The following RBMS3 variants were observed in gnomAD, a reference collection of about 807,000 sequenced individuals.
RBMS3 encodes RNA binding motif single stranded interacting protein 3.
A neutral mutation model predicts 66.8 loss-of-function variants in RBMS3; 27 were observed. That is an observed-to-expected ratio of 0.40 (90% CI 0.30 to 0.56). RBMS3 has a LOEUF of 0.56. Ranked by LOEUF, RBMS3 falls within the 20% of genes least tolerant of loss-of-function variation. The pLI is 0.40. For synonymous variants in RBMS3, 188 were observed against 183.0 expected, an observed-to-expected ratio of 1.03 and a Z score of -0.22; for missense variants, 513 against 549.5, an observed-to-expected ratio of 0.93 and a Z score of 0.66.
At chr3:29,958,104 G>C (rs1696167270) in intron 12 of RBMS3, among the ~76,000 whole-genome samples, 1 of 152,092 alleles carries the variant, frequency 6.6e-6, no homozygotes, top group Non-Finnish European at 1.5e-5. Context: ...GTTTTCCTTA[G>C]ATGTGATTTT....
At chr3:29,981,969 C>A (rs1276291994) in intron 12 of RBMS3, among the ~76,000 whole-genome samples, 1 of 152,084 alleles carries the variant, frequency 6.6e-6, no homozygotes, top group East Asian at 1.9e-4. Context: ...CCCTCTTTTT[C>A]TATTGTTTGG....
chr3:29,851,490 T>C (rs2058934091), intron 6 of RBMS3, among the ~76,000 whole-genome samples: 1 of 152,134 alleles, frequency 6.6e-6, no homozygotes, highest in South Asian at 2.1e-4. Flanking sequence ...ACTTTTTCCA[T>C]CTCAAAAGGG....
chr3:29,772,322 GCAA>G (rs2056245691), intron 6 of RBMS3, among the ~76,000 whole-genome samples: 1 of 151,940 alleles, frequency 6.6e-6, no homozygotes, highest in African/African-American at 2.4e-5. Context: ...ATTTTTTCTA[GCAA>G]CAACGGAAAG....
intron 3 of RBMS3, among the ~76,000 whole-genome samples, chr3:29,576,970 A>G (rs1181801034): frequency 6.6e-6 from 1 of 152,156 alleles, no homozygotes. Flanking sequence ...TTTTTGCTCT[A>G]TGCCACAGTG....
intron 6 of RBMS3, among the ~76,000 whole-genome samples, chr3:29,817,110 A>G (rs1435092029): frequency 1.3e-5 from 2 of 152,076 alleles, no homozygotes; most frequent in South Asian, 2.1e-4. Flanking sequence ...ATAAGGAAAA[A>G]AGTATATATA....
intron 1 of RBMS3, among the ~76,000 whole-genome samples, chr3:29,298,632 G>C (rs924432482): frequency 6.7e-6 from 1 of 150,100 alleles, no homozygotes; most frequent in African/African-American, 2.5e-5. Flanking sequence ...GTTTCTTTTT[G>C]CTTACTCACA....
At chr3:29,979,594 A>C (rs1697840258) in intron 12 of RBMS3, among the ~76,000 whole-genome samples, 1 of 151,948 alleles carries the variant, frequency 6.6e-6, no homozygotes, top group South Asian at 2.1e-4. Flanking sequence ...CTAGCCCCCC[A>C]CCACCTGACA....
intron 3 of RBMS3, among the ~76,000 whole-genome samples, chr3:29,524,595 CT>C (rs1253367347): frequency 6.7e-6 from 1 of 149,212 alleles, no homozygotes; most frequent in African/African-American, 2.4e-5. Context: ...GCCCAGCCAA[CT>C]TTTGCATTTT....
At chr3:29,673,542 A>G (rs1181260608) in intron 4 of RBMS3, among the ~76,000 whole-genome samples, 1 of 152,124 alleles carries the variant, frequency 6.6e-6, no homozygotes, top group East Asian at 1.9e-4. Flanking sequence ...GAAGAATCAT[A>G]TAGACGCAAT....
chr3:29,962,385 T>C (rs554503575), intron 12 of RBMS3, among the ~76,000 whole-genome samples: 1 of 152,048 alleles, frequency 6.6e-6, no homozygotes, highest in South Asian at 2.1e-4. Flanking sequence ...ACCAGCATGA[T>C]AGCTCATTCC....
At chr3:29,521,345 A>G (rs770117091) in intron 3 of RBMS3, among the ~76,000 whole-genome samples, 2 of 152,142 alleles carry the variant, frequency 1.3e-5, no homozygotes, top group Non-Finnish European at 2.9e-5. Context: ...TTTTGTTGAC[A>G]TCTCAAAAAC....
intron 6 of RBMS3, among the ~76,000 whole-genome samples, chr3:29,773,626 G>A (rs920321667): frequency 6.6e-5 from 10 of 151,956 alleles, no homozygotes; most frequent in Admixed American, 2.6e-4. Context: ...TAGTGCTCCC[G>A]GAGTGTTTGC....
intron 4 of RBMS3, among the ~76,000 whole-genome samples, chr3:29,725,720 C>T (rs759584239): frequency 2.2e-4 from 33 of 152,076 alleles, no homozygotes; most frequent in African/African-American, 3.4e-4. Flanking sequence ...GTAATTAATA[C>T]GCTACCAACC....
At chr3:29,331,412 A>G (rs2035646130) in intron 1 of RBMS3, among the ~76,000 whole-genome samples, 1 of 152,132 alleles carries the variant, frequency 6.6e-6, no homozygotes, top group Admixed American at 6.6e-5. Context: ...GTTTCCCAGT[A>G]GGACCAAACT....
At chr3:29,864,462 C>G (rs2059294188) in intron 6 of RBMS3, among the ~76,000 whole-genome samples, 1 of 152,168 alleles carries the variant, frequency 6.6e-6, no homozygotes, top group Non-Finnish European at 1.5e-5. Flanking sequence ...TTTAGAAACA[C>G]AGATCTTTTC....
intron 4 of RBMS3, among the ~76,000 whole-genome samples, chr3:29,703,317 A>G (rs1001813266): frequency 6.6e-6 from 1 of 152,228 alleles, no homozygotes; most frequent in African/African-American, 2.4e-5. Context: ...GTTGATTGAC[A>G]TATGTACATG....
At chr3:29,903,282 C>G (rs537483678) in intron 10 of RBMS3, 1 of 152,030 alleles carries the variant, frequency 6.6e-6, no homozygotes, top group Admixed American at 6.6e-5. Context: ...GAATCAAGAG[C>G]ATTTCTGTTT....
At chr3:29,397,241 T>C (rs1264735962) in intron 1 of RBMS3, among the ~76,000 whole-genome samples, 1 of 152,168 alleles carries the variant, frequency 6.6e-6, no homozygotes, top group Non-Finnish European at 1.5e-5. Flanking sequence ...AAAGTACCTA[T>C]TCATTGAGCT....
At chr3:29,659,410 C>A (rs1017273478) in intron 4 of RBMS3, among the ~76,000 whole-genome samples, 5 of 152,070 alleles carry the variant, frequency 3.3e-5, no homozygotes, top group African/African-American at 1.2e-4. Context: ...CAGTCACTGG[C>A]AACAGCCATT....
Sources: gnomAD v4.1 joint callset for allele counts (sites outside exome capture counted in the v4.1 genomes callset) on GRCh38, gnomAD v4.1.1 for gene constraint, MANE v1.5 for transcripts, NCBI Gene and HGNC (gene_info 2026-07-23, HGNC 2026-07-21) for gene names.